TRIP10: variants seen among roughly 807,000 people sequenced by gnomAD.
The protein encoded by TRIP10 is cdc42-interacting protein 4.
Under a neutral mutation model 80.9 loss-of-function variants are expected in TRIP10, and 54 were observed. The observed-to-expected ratio is 0.67, with a 90% confidence interval of 0.54 to 0.84. The LOEUF is 0.84. Ranked by LOEUF, TRIP10 falls within the 40% of genes least tolerant of loss-of-function variation. TRIP10 has a pLI of 0.00. For missense variants in TRIP10, 773 were observed against 815.3 expected, an observed-to-expected ratio of 0.95 and a Z score of 0.63; for synonymous variants, 321 against 307.2, an observed-to-expected ratio of 1.04 and a Z score of -0.47.
At chr19:6,741,840 CAG>C (rs767889625) in intron 3 of TRIP10, among the ~76,000 whole-genome samples, 1 of 152,022 alleles carries the variant, frequency 6.6e-6, no homozygotes, top group Non-Finnish European at 1.5e-5. Flanking sequence ...TTGTTTTTGA[CAG>C]AGTTTCACTC....
intron 11 of TRIP10, among the ~76,000 whole-genome samples, chr19:6,749,611 C>T (rs1310064672): frequency 1.3e-5 from 2 of 152,134 alleles, no homozygotes; most frequent in African/African-American, 4.8e-5. Flanking sequence ...CCTGTAATCC[C>T]AGCACTTTGG....
chr19:6,746,208 C>A lies in TRIP10; in HGVS notation c.1152+12C>A. The A allele has an allele frequency of 1.3e-6, 2 of 1,518,018 alleles. No individual in the cohort carries two copies. The highest frequency in any genetic ancestry group is 1.8e-6 in the Non-Finnish European group (2 of 1,127,386). The allele number at this position is 1,518,018 out of a possible 1,614,324, so 94.0% of individuals were successfully genotyped here. ...GAGGCAGCCGTGGGGTAAGTGAGGC[C>A]TCGGGGCAGGAGGAGGTGGTGGCCC... On this transcript the variant is annotated intron_variant, in intron 10 of 14. Transcript: ENST00000313244. This position sits in a 1 kb window ranked among gnomAD's most constrained non-coding sequence, Gnocchi z 6.2.
chr19:6,740,715 G>A, intron 1 of TRIP10: 1 of 346,744 alleles, frequency 2.9e-6, no homozygotes, highest in South Asian at 4.6e-5. Flanking sequence ...CCGAGCTGGG[G>A]GAGTGGCCCT....
rs34329946 is a variant in TRIP10, at chr19:6,743,245, C to G, written c.397C>G (p.Gln133Glu). ...GCAGCAGCTGGAAAATGGCTTTAAA[C>G]AGCTGGAGAATGTGAGTTTGCAGAG... ...AQQQLENGFKQLENSKRKFER... is the reference protein window; with the variant it reads ...AQQQLENGFKELENSKRKFER... Residue 133 changes from glutamine to glutamate, a missense_variant, in exon 5 of 15, where the codon CAG becomes GAG. Coordinates refer to ENST00000313244, the MANE Select transcript of TRIP10 (RefSeq NM_001288962.2). The G allele has an allele frequency of 6.4e-5, 104 of 1,613,644 alleles. No homozygotes were observed. In the African/African-American group the frequency reaches 1.3e-3, roughly 20 times the overall value.
At position 6,743,844 on chromosome 19, in the gene TRIP10, C is replaced by T; in HGVS notation, c.642+8C>T. Reference sequence around the variant, plus strand: ...ATGCCCCAGATATTCGATGTGAGTGCTCCCAGTTCTCAGACCTACCTTCCC... The same window carrying T: ...ATGCCCCAGATATTCGATGTGAGTGTTCCCAGTTCTCAGACCTACCTTCCC... On this transcript the variant is annotated splice_region_variant and intron_variant, in intron 7 of 14. Transcript: ENST00000313244. The T allele has an allele frequency of 6.2e-7, 1 of 1,613,450 alleles. No individual in the cohort carries two copies. The highest frequency in any genetic ancestry group is 2.2e-5 in the East Asian group (1 of 44,888).
At chr19:6,749,805 T>C (rs902932328) in intron 11 of TRIP10, 129 bp from the exon 12 acceptor site, 9 of 1,340,714 alleles carry the variant, frequency 6.7e-6, no homozygotes, top group African/African-American at 1.5e-5. Context: ...GAGCCATGAT[T>C]GCACCACTGC....
In TRIP10 at chr19:6,746,053, C is replaced by T; in HGVS notation, c.1009C>T (p.Leu337=). Residue 337 remains leucine (L), a synonymous_variant, in exon 10 of 15, where the codon CTG becomes TTG. Coordinates refer to ENST00000313244, the MANE Select transcript of TRIP10 (RefSeq NM_001288962.2). This position sits in a 1 kb window ranked among gnomAD's most constrained non-coding sequence, Gnocchi z 6.2. The stretch of plus-strand genomic sequence containing the variant: ...GCCTCGCCCCCCACCCCTCTCCCCC[C>T]TGGGGGGCCCCGTACCCTCGGCATT... The part of the protein sequence containing the change: ...NKPRPPPLSP[L]GGPVPSALPN... The T allele has an allele frequency of 1.4e-6, 2 of 1,443,130 alleles. No homozygotes were observed. Among genetic ancestry groups the T allele is most frequent in the Non-Finnish European group, 1.8e-6 (2 of 1,089,356 alleles). 89.4% of individuals were successfully genotyped at this position (1,443,130 alleles called of 1,614,324 possible).
Position 6,745,205 on chromosome 19 carries a change from A to T in TRIP10, c.984+211A>T, listed in dbSNP as rs1430951858. On this transcript the variant is annotated intron_variant, in intron 9 of 14. Coordinates refer to ENST00000313244, the MANE Select transcript of TRIP10 (RefSeq NM_001288962.2). This position sits in a 1 kb window ranked among gnomAD's most constrained non-coding sequence, Gnocchi z 7.2. ...GCGGGGGCAGGGTGGGGAGGTGGGGAGGTCCGTGGCGTTTGTCTGCTGCTT... is the reference window on the plus strand; with the variant it reads ...GCGGGGGCAGGGTGGGGAGGTGGGGTGGTCCGTGGCGTTTGTCTGCTGCTT... The T allele has an allele frequency of 1.6e-6, 1 of 642,808 alleles. No individual in the cohort carries two copies. The highest frequency in any genetic ancestry group is 1.9e-5 in the African/African-American group (1 of 53,454). The allele number at this position is 642,808 out of a possible 1,614,324, so 39.8% of individuals were successfully genotyped here. A position where few individuals can be genotyped will look rare whatever the true frequency, so the allele number is the denominator to read the frequency against.
chr19:6,746,134 G>A lies in TRIP10; in HGVS notation c.1090G>A (p.Glu364Lys), dbSNP rs1293639684. The change falls in exon 10 of 15, where the codon GAG becomes AAG. Residue 364 changes from glutamate (E) to lysine (K), a missense_variant. Coordinates refer to ENST00000313244, the MANE Select transcript of TRIP10 (RefSeq NM_001288962.2). The surrounding 1 kb of genome is among the most constrained non-coding windows in gnomAD (Gnocchi z 6.2). The stretch of plus-strand genomic sequence containing the variant: ...CCGTGACCCCTTGGCCATACTGAGC[G>A]AGATCAGTAAGTCGGTCAAACCGAG... ...SGRDPLAILS[E>K]ISKSVKPRLA... The A allele has an allele frequency of 2.0e-5, 31 of 1,547,690 alleles. No homozygotes were observed. The highest frequency in any genetic ancestry group is 3.6e-5 in the South Asian group (3 of 83,844).
Position 6,746,248 on chromosome 19 carries a change from G to A in TRIP10, c.1152+52G>A. The A allele has an allele frequency of 1.3e-6, 2 of 1,484,444 alleles. No individual in the cohort carries two copies. Among genetic ancestry groups the A allele is most frequent in the South Asian group, 1.4e-5 (1 of 73,930 alleles). 92.0% of individuals were successfully genotyped at this position (1,484,444 alleles called of 1,614,324 possible). A position where few individuals can be genotyped will look rare whatever the true frequency, so the allele number is the denominator to read the frequency against. The stretch of plus-strand genomic sequence containing the variant: ...GGTGGTGGCCCTAGCCTGCCCAGCG[G>A]CGGGTGGCGGGACCCTGGGCTCGCT... On this transcript the variant is annotated intron_variant, in intron 10 of 14. Coordinates refer to ENST00000313244, the MANE Select transcript of TRIP10 (RefSeq NM_001288962.2). The surrounding 1 kb of genome is among the most constrained non-coding windows in gnomAD (Gnocchi z 6.2).
chr19:6,743,623 G>GC lies in TRIP10; in HGVS notation c.513+25_513+26insC, dbSNP rs112946160. On this transcript the variant is annotated intron_variant, in intron 6 of 14. Coordinates refer to ENST00000313244, the MANE Select transcript of TRIP10 (RefSeq NM_001288962.2). ...GGTGTGTGTGGCGGGGGCGGGGGGG[G>GC]GGTGCGGGGTCTGGGACAAGCTTGG... The GC allele has an allele frequency of 2.9e-5, 42 of 1,438,180 alleles. 1 individual carries two copies. In the South Asian group the frequency reaches 3.0e-4, roughly 10 times the overall value. 89.1% of individuals were successfully genotyped at this position (1,438,180 alleles called of 1,614,324 possible).
At chr19:6,750,090 G>C (rs749175761) in intron 12 of TRIP10, 24 bp downstream of exon 12, 5 of 1,608,628 alleles carry the variant, frequency 3.1e-6, no homozygotes, top group Non-Finnish European at 4.2e-6. Flanking sequence ...CTGGGGAGGG[G>C]CGGGAGCCAG....
Position 6,745,160 on chromosome 19 carries a change from G to C in TRIP10, c.984+166G>C. ...GGGAAGGAAGGCGGCCGATTGGCCT[G>C]GGAGTCCCCCGAGGCGAAGGCGGGG... On this transcript the variant is annotated intron_variant, in intron 9 of 14. Coordinates refer to ENST00000313244, the MANE Select transcript of TRIP10 (RefSeq NM_001288962.2). The surrounding 1 kb of genome is among the most constrained non-coding windows in gnomAD (Gnocchi z 7.2). 2 of 988,446 alleles carry C rather than the reference G, an allele frequency of 2.0e-6. No homozygotes were observed. Among genetic ancestry groups the C allele is most frequent in the Non-Finnish European group, 2.9e-6 (2 of 696,474 alleles). The allele number at this position is 988,446 out of a possible 1,614,324, so 61.2% of individuals were successfully genotyped here. A position where few individuals can be genotyped will look rare whatever the true frequency, so the allele number is the denominator to read the frequency against.
rs754923914 is a variant in TRIP10 at position 6,739,722 on chromosome 19, C to G, written c.-40C>G. 4 of 1,319,686 alleles carry G rather than the reference C, an allele frequency of 3.0e-6. No individual in the cohort carries two copies. The highest frequency in any genetic ancestry group is 3.9e-6 in the Non-Finnish European group (4 of 1,029,958). 81.7% of individuals were successfully genotyped at this position (1,319,686 alleles called of 1,614,324 possible). On this transcript the variant is annotated 5_prime_UTR_variant, in exon 1 of 15. Coordinates refer to ENST00000313244, the MANE Select transcript of TRIP10 (RefSeq NM_001288962.2). ...GCGGCGGGCGGCGGGCGGCGGGGAC[C>G]GGGTGCGGTGGTGGCTGCGGCGGCG... is the stretch of plus-strand genomic sequence containing the variant.
At chr19:6,742,841 G>T in intron 3 of TRIP10, 126 bp from the exon 4 acceptor site, 89 of 1,185,162 alleles carry the variant, frequency 7.5e-5, no homozygotes, top group Non-Finnish European at 9.2e-5. Context: ...ACCAGAATTT[G>T]TCATCGCTTC....
At chr19:6,749,245 C>T (rs1403112353) in intron 11 of TRIP10, among the ~76,000 whole-genome samples, 5 of 151,940 alleles carry the variant, frequency 3.3e-5, no homozygotes, top group Non-Finnish European at 5.9e-5. Flanking sequence ...ACGGCCAGCC[C>T]AGTGTTATAT....
chr19:6,743,124 C>G lies in TRIP10; in HGVS notation c.345+10C>G. The G allele has an allele frequency of 6.2e-7, 1 of 1,614,056 alleles. No individual in the cohort carries two copies. Among genetic ancestry groups the G allele is most frequent in the Non-Finnish European group, 8.5e-7 (1 of 1,179,986 alleles). On this transcript the variant is annotated intron_variant, in intron 4 of 14. Transcript: ENST00000313244. The stretch of plus-strand genomic sequence containing the variant: ...ACAGGAGAGGAAGATGGTGAGGAGC[C>G]CCCCGATTCAGGTTTTACAAAGGGC...
Position 6,746,058 on chromosome 19 carries a change from G to A in TRIP10, c.1014G>A (p.Gly338=), listed in dbSNP as rs1437077723. 29 of 1,419,986 alleles carry A rather than the reference G, an allele frequency of 2.0e-5. No homozygotes were observed. Among genetic ancestry groups the A allele is most frequent in the African/African-American group, 6.1e-5 (4 of 65,798 alleles). The allele number at this position is 1,419,986 out of a possible 1,614,324, so 88.0% of individuals were successfully genotyped here. A position where few individuals can be genotyped will look rare whatever the true frequency, so the allele number is the denominator to read the frequency against. The change falls in exon 10 of 15, where the codon GGG becomes GGA. Residue 338 remains glycine (G), a synonymous_variant. Coordinates refer to ENST00000313244, the MANE Select transcript of TRIP10 (RefSeq NM_001288962.2). The surrounding 1 kb of genome is among the most constrained non-coding windows in gnomAD (Gnocchi z 6.2). ...KPRPPPLSPL[G]GPVPSALPNG... ...GCCCCCCACCCCTCTCCCCCCTGGG[G>A]GGCCCCGTACCCTCGGCATTGCCTA...
At position 6,746,085 on chromosome 19, in the gene TRIP10, C is replaced by A; in HGVS notation, c.1041C>A (p.Asn347Lys). 1 of 1,457,968 alleles carries A rather than the reference C, an allele frequency of 6.9e-7. No homozygotes were observed. Among genetic ancestry groups the A allele is most frequent in the Non-Finnish European group, 9.2e-7 (1 of 1,091,234 alleles). The allele number at this position is 1,457,968 out of a possible 1,614,324, so 90.3% of individuals were successfully genotyped here. A position where few individuals can be genotyped will look rare whatever the true frequency, so the allele number is the denominator to read the frequency against. ...GCCCCGTACCCTCGGCATTGCCTAA[C>A]GGACCCCCGTCCCCCCGCTCCGGCC... ...LGGPVPSALP[N>K]GPPSPRSGRD... Residue 347 changes from asparagine to lysine, a missense_variant, in exon 10 of 15, where the codon AAC (asparagine) becomes AAA (lysine). Transcript: ENST00000313244. The surrounding 1 kb of genome is among the most constrained non-coding windows in gnomAD (Gnocchi z 6.2).
Sources: allele counts gnomAD v4.1 joint callset (sites outside exome capture counted in the v4.1 genomes callset), GRCh38; gene constraint gnomAD v4.1.1; non-coding constraint Gnocchi (gnomAD v3.1); transcripts MANE v1.5; gene names NCBI Gene and HGNC (gene_info 2026-07-23, HGNC 2026-07-21).